Variants in DCPS observed in about 807,000 individuals in gnomAD.
The protein encoded by DCPS is m7GpppX diphosphatase.
In DCPS, 27 loss-of-function variants were observed where a neutral mutation model predicts 34.7. That is an observed-to-expected ratio of 0.78 (90% CI 0.57 to 1.07). DCPS has a LOEUF of 1.07. Ranked by LOEUF, DCPS falls within the 50% of genes least tolerant of loss-of-function variation. DCPS has a pLI of 0.00. For missense variants in DCPS, 464 were observed against 436.9 expected, an observed-to-expected ratio of 1.06 and a Z score of -0.55; for synonymous variants, 185 against 185.7, an observed-to-expected ratio of 1.00 and a Z score of 0.03.
rs1341556381 is a variant in DCPS, at chr11:126,343,331, A to G, written c.661A>G (p.Ile221Val). Reference protein sequence around the residue: ...QQLDDLYLIAICHRRGIRSLR... With the variant: ...QQLDDLYLIAVCHRRGIRSLR... The stretch of plus-strand genomic sequence containing the variant: ...GCTCGATGACTTGTACTTGATCGCC[A>G]TCTGCCATCGCCGGGGCATCAGATC... Residue 221 changes from isoleucine to valine, a missense_variant, in exon 5 of 6, where the codon ATC becomes GTC. Physicochemically the swap from Ile to Val is conservative, Grantham distance 29 (BLOSUM62 3). Coordinates refer to ENST00000263579, the MANE Select transcript of DCPS (RefSeq NM_014026.6). 2.5e-6 allele frequency: 4 copies of G among 1,613,894 alleles called. No individual in the cohort carries two copies. Among genetic ancestry groups the G allele is most frequent in the African/African-American group, 1.3e-5 (1 of 75,012 alleles).
chr11:126,348,210 C>T lies in DCPS; in HGVS notation c.*2597C>T, dbSNP rs1431740176. Reference sequence around the variant, plus strand: ...AGAGGCAGGGCATGGAGACAGGGACCCACACTCTGGAAGGTTTCTCGACTC... The same window carrying T: ...AGAGGCAGGGCATGGAGACAGGGACTCACACTCTGGAAGGTTTCTCGACTC... On this transcript the variant is annotated 3_prime_UTR_variant, in exon 6 of 6. Coordinates refer to ENST00000263579, the MANE Select transcript of DCPS (RefSeq NM_014026.6). This position sits in a 1 kb window ranked among gnomAD's most constrained non-coding sequence, Gnocchi z 5.3. Among the ~76,000 whole-genome samples, 1 of 152,128 alleles carries T rather than the reference C, an allele frequency of 6.6e-6. No homozygotes were observed. Among genetic ancestry groups the T allele is most frequent in the Admixed American group, 6.6e-5 (1 of 15,266 alleles).
chr11:126,334,634 G>A lies in DCPS; in HGVS notation c.522+3084G>A, dbSNP rs1003597990. Among the ~76,000 whole-genome samples the A allele has an allele frequency of 2.0e-5, 3 of 152,098 alleles. No homozygotes were observed. The highest frequency in any genetic ancestry group is 2.9e-5 in the Non-Finnish European group (2 of 68,018). Reference sequence around the variant, plus strand: ...GCTGGGATTACAGGTGTGAGCCACCGCACCCAGCCTCACACCTCATTTATT... The same window carrying A: ...GCTGGGATTACAGGTGTGAGCCACCACACCCAGCCTCACACCTCATTTATT... On this transcript the variant is annotated intron_variant, in intron 3 of 5. Transcript: ENST00000263579. The surrounding 1 kb of genome is among the most constrained non-coding windows in gnomAD (Gnocchi z 5.5).
rs930689965 is a variant in DCPS at position 126,312,395 on chromosome 11, G to A, written c.376+5651G>A. ...TCTCTGTCACCCAGGCTGGAGTGCA[G>A]TGGTGCGATCTCGGCTCACTGCAAC... On this transcript the variant is annotated intron_variant, in intron 2 of 5. Coordinates refer to ENST00000263579, the MANE Select transcript of DCPS (RefSeq NM_014026.6). This position sits in a 1 kb window ranked among gnomAD's most constrained non-coding sequence, Gnocchi z 5.1. 1.3e-5 allele frequency among the ~76,000 whole-genome samples: 2 copies of A among 151,338 alleles called. No individual in the cohort carries two copies. Among genetic ancestry groups the A allele is most frequent in the African/African-American group, 4.9e-5 (2 of 41,142 alleles).
intron 4 of DCPS, among the ~76,000 whole-genome samples, chr11:126,339,445 A>C (rs1309257927): frequency 1.3e-5 from 2 of 152,188 alleles, no homozygotes; most frequent in Non-Finnish European, 2.9e-5. Flanking sequence ...TGACACCTTC[A>C]GTTTTGACGT....
chr11:126,324,882 T>C (rs1221503133), intron 2 of DCPS, among the ~76,000 whole-genome samples: 4 of 152,046 alleles, frequency 2.6e-5, no homozygotes, highest in African/African-American at 9.7e-5. Flanking sequence ...GGCCAGAATT[T>C]GGGTGGAGAT....
chr11:126,344,650 G>A lies in DCPS; in HGVS notation c.748-697G>A, dbSNP rs995996795. On this transcript the variant is annotated intron_variant, in intron 5 of 5. Coordinates refer to ENST00000263579, the MANE Select transcript of DCPS (RefSeq NM_014026.6). The surrounding 1 kb of genome is among the most constrained non-coding windows in gnomAD (Gnocchi z 8.1). ...GGATTTGCCCACAATGGAGATGAGAGTCTCCGCTTAATTCTATGCCTCACA... is the reference window on the plus strand; with the variant it reads ...GGATTTGCCCACAATGGAGATGAGAATCTCCGCTTAATTCTATGCCTCACA... 3.3e-5 allele frequency among the ~76,000 whole-genome samples: 5 copies of A among 152,186 alleles called. No homozygotes were observed. Among genetic ancestry groups the A allele is most frequent in the African/African-American group, 4.8e-5 (2 of 41,442 alleles).
chr11:126,326,553 TA>T (rs1250582064), intron 2 of DCPS, among the ~76,000 whole-genome samples: 2 of 152,070 alleles, frequency 1.3e-5, no homozygotes, highest in Non-Finnish European at 2.9e-5. Flanking sequence ...ATTGACACCT[TA>T]AAAAAAATTT....
rs549618106 is a variant in DCPS at position 126,323,383 on chromosome 11, TA to T, written c.377-8021del. Among the ~76,000 whole-genome samples the T allele has an allele frequency of 1.3e-5, 2 of 152,364 alleles. No homozygotes were observed. Among genetic ancestry groups the T allele is most frequent in the African/African-American group, 4.8e-5 (2 of 41,584 alleles). ...AGTTCAGCTTTAGAAACATTGTGTT[TA>T]TTTCCATTGTAATATTATATATGCA... On this transcript the variant is annotated intron_variant, in intron 2 of 5. Transcript: ENST00000263579. This position sits in a 1 kb window ranked among gnomAD's most constrained non-coding sequence, Gnocchi z 4.4.
At chr11:126,307,256 C>A (rs1346671022) in intron 2 of DCPS, among the ~76,000 whole-genome samples, 7 of 151,002 alleles carry the variant, frequency 4.6e-5, no homozygotes, top group African/African-American at 1.5e-4. Context: ...TCGCTTGAAC[C>A]CAGGAGGCAG....
In DCPS at chr11:126,323,084, C is replaced by T. The variant is rs1951719479; in HGVS notation, c.377-8321C>T. On this transcript the variant is annotated intron_variant, in intron 2 of 5. Coordinates refer to ENST00000263579, the MANE Select transcript of DCPS (RefSeq NM_014026.6). This position sits in a 1 kb window ranked among gnomAD's most constrained non-coding sequence, Gnocchi z 4.4. ...TCAATAGATTTCCCCCCTGTTTCAG[C>T]CTCCCAAAGTGTTGGGATTACAGGC... Among the ~76,000 whole-genome samples the T allele has an allele frequency of 6.6e-6, 1 of 152,158 alleles. No individual in the cohort carries two copies. Among genetic ancestry groups the T allele is most frequent in the Non-Finnish European group, 1.5e-5 (1 of 68,030 alleles).
chr11:126,321,688 A>AGAAGG (rs59099038), intron 2 of DCPS, among the ~76,000 whole-genome samples: 29,370 of 151,926 alleles, frequency 0.19, 3,856 homozygotes, highest in East Asian at 0.65. Context: ...GACAAGAAAA[A>AGAAGG]GAAGGGAAGG....
At chr11:126,316,497 C>T (rs188454184) in intron 2 of DCPS, among the ~76,000 whole-genome samples, 33 of 152,138 alleles carry the variant, frequency 2.2e-4, no homozygotes, top group Admixed American at 1.9e-3. Context: ...AAAGCTCTTT[C>T]CTGCTTCTCC....
rs1415954644 is a variant in DCPS at position 126,335,926 on chromosome 11, CAAAA to C, written c.523-2357_523-2354del. 6.6e-6 allele frequency among the ~76,000 whole-genome samples: 1 copy of C among 151,016 alleles called. No homozygotes were observed. Among genetic ancestry groups the C allele is most frequent in the African/African-American group, 2.4e-5 (1 of 41,088 alleles). On this transcript the variant is annotated intron_variant, in intron 3 of 5. Transcript: ENST00000263579. The surrounding 1 kb of genome is among the most constrained non-coding windows in gnomAD (Gnocchi z 4.8). ...GTGTGAAACTCCGTCTCAGAAAAAA[CAAAA>C]AACAAAAACCAACAAAAAAACCTGT...
chr11:126,334,525 G>A lies in DCPS; in HGVS notation c.522+2975G>A, dbSNP rs1951816579. 6.6e-6 allele frequency among the ~76,000 whole-genome samples: 1 copy of A among 152,100 alleles called. No individual in the cohort carries two copies. The highest frequency in any genetic ancestry group is 1.9e-4 in the East Asian group (1 of 5,160). On this transcript the variant is annotated intron_variant, in intron 3 of 5. Transcript: ENST00000263579. This position sits in a 1 kb window ranked among gnomAD's most constrained non-coding sequence, Gnocchi z 5.5. ...TGCTGGGCTAATTTTTGTATTTTTA[G>A]TAGAGACGGAGTTTCACCATGTTGG...
rs1451812538 is a variant in DCPS, at chr11:126,347,796, C to T, written c.*2183C>T. 6.6e-6 allele frequency among the ~76,000 whole-genome samples: 1 copy of T among 152,186 alleles called. No individual in the cohort carries two copies. The highest frequency in any genetic ancestry group is 1.5e-5 in the Non-Finnish European group (1 of 68,040). ...GAATGCTCCCTGCGTCTCAGTTGTG[C>T]CCATTCCAGGTCCAGGGGAAAGAAG... On this transcript the variant is annotated 3_prime_UTR_variant, in exon 6 of 6. Coordinates refer to ENST00000263579, the MANE Select transcript of DCPS (RefSeq NM_014026.6). This position sits in a 1 kb window ranked among gnomAD's most constrained non-coding sequence, Gnocchi z 4.2.
chr11:126,330,663 T>C (rs1202012313), intron 2 of DCPS, among the ~76,000 whole-genome samples: 1 of 135,264 alleles, frequency 7.4e-6, no homozygotes. Flanking sequence ...CTGCCCATCA[T>C]TAAGGGGACT....
In DCPS at chr11:126,327,920, A is replaced by G. The variant is rs1331745596; in HGVS notation, c.377-3485A>G. Among the ~76,000 whole-genome samples, 1 of 152,196 alleles carries G rather than the reference A, an allele frequency of 6.6e-6. No homozygotes were observed. Among genetic ancestry groups the G allele is most frequent in the Non-Finnish European group, 1.5e-5 (1 of 68,036 alleles). ...CACCTGCTGCTGTGAGGGAGTGAGA[A>G]GTGAAGAGGAAGCAAGCTGGTGGAG... On this transcript the variant is annotated intron_variant, in intron 2 of 5. Transcript: ENST00000263579. This position sits in a 1 kb window ranked among gnomAD's most constrained non-coding sequence, Gnocchi z 4.1.
intron 2 of DCPS, among the ~76,000 whole-genome samples, chr11:126,318,675 C>T (rs1374688764): frequency 6.6e-6 from 1 of 152,188 alleles, no homozygotes; most frequent in Non-Finnish European, 1.5e-5. Flanking sequence ...GCTGTTGCTT[C>T]TTCTCAGTGC....
rs935276986 is a variant in DCPS at position 126,342,551 on chromosome 11, C to G, written c.637-756C>G. Among the ~76,000 whole-genome samples, 1 of 152,158 alleles carries G rather than the reference C, an allele frequency of 6.6e-6. No homozygotes were observed. Among genetic ancestry groups the G allele is most frequent in the African/African-American group, 2.4e-5 (1 of 41,436 alleles). Reference sequence around the variant, plus strand: ...TTCCTCTACCTGAATACCCTTTCTCCAAATTCTACCTTTTTTCTAGACCTG... The same window carrying G: ...TTCCTCTACCTGAATACCCTTTCTCGAAATTCTACCTTTTTTCTAGACCTG... On this transcript the variant is annotated intron_variant, in intron 4 of 5. Coordinates refer to ENST00000263579, the MANE Select transcript of DCPS (RefSeq NM_014026.6). The surrounding 1 kb of genome is among the most constrained non-coding windows in gnomAD (Gnocchi z 4.4).
Sources: allele counts gnomAD v4.1 joint callset (sites outside exome capture counted in the v4.1 genomes callset), GRCh38; gene constraint gnomAD v4.1.1; non-coding constraint Gnocchi (gnomAD v3.1); transcripts MANE v1.5; gene names NCBI Gene and HGNC (gene_info 2026-07-23, HGNC 2026-07-21).